The following ZMYM1 variants were observed in gnomAD, a reference collection of about 807,000 sequenced individuals.
The protein encoded by ZMYM1 is zinc finger MYM-type protein 1.
ZMYM1 carries 39 observed loss-of-function variants against 60.0 expected under a neutral mutation model. The ratio of observed to expected loss-of-function variants is 0.65; its 90% CI spans 0.50 to 0.85. ZMYM1 has a LOEUF of 0.85. Ranked by LOEUF, ZMYM1 falls within the 40% of genes least tolerant of loss-of-function variation. The pLI, the probability that ZMYM1 is intolerant of heterozygous loss-of-function variation, is 0.00. For missense variants in ZMYM1, 1,171 were observed against 1,309.5 expected (o/e 0.89, Z 1.63); for synonymous variants, 413 against 454.0 (o/e 0.91, Z 1.15).
In ZMYM1 at chr1:35,068,649, AAT is replaced by A. The variant is rs1191097052; in HGVS notation, c.-301+8742_-301+8743del. ...CTGGAAATCCATACGCAAAAAAAAA[AAT>A]ATATATATATATATATAAAACTACA... On this transcript the variant is annotated intron_variant, in intron 1 of 10. Coordinates refer to the ZMYM1 transcript ENST00000417119. Among the ~76,000 whole-genome samples the A allele has an allele frequency of 1.9e-3, 277 of 145,244 alleles. 1 individual carries two copies. Among genetic ancestry groups the A allele is most frequent in the South Asian group, 0.014 (64 of 4,652 alleles).
downstream of ZMYM1, among the ~76,000 whole-genome samples, chr1:35,117,203 T>C (rs1644258711): frequency 6.6e-6 from 1 of 152,036 alleles, no homozygotes; most frequent in Non-Finnish European, 1.5e-5. Flanking sequence ...CTCATCAATT[T>C]TGATAACTTG....
rs756110783 is a variant in ZMYM1 at position 35,114,731 on chromosome 1, C to A, written c.2901C>A (p.Ile967=). 1 of 1,575,998 alleles carries A rather than the reference C, an allele frequency of 6.3e-7. No individual in the cohort carries two copies. Among genetic ancestry groups the A allele is most frequent in the East Asian group, 2.3e-5 (1 of 44,438 alleles). Residue 967 remains isoleucine (I), a synonymous_variant, in exon 10 of 10, where the codon ATC becomes ATA. Transcript: ENST00000359858. The stretch of plus-strand genomic sequence containing the variant: ...CAGAAGAACAATATAAAATTAATAT[C>A]TATTACCAAGGATTAGATACTATAT... ...TSTEEQYKIN[I]YYQGLDTILQ...
At chr1:35,105,135 T>TC (rs1202136809) in intron 6 of ZMYM1, among the ~76,000 whole-genome samples, 1 of 140,874 alleles carries the variant, frequency 7.1e-6, no homozygotes, top group East Asian at 2.0e-4. Context: ...TCTTTTTTTT[T>TC]TTTTTTTTTT....
chr1:35,112,242 A>G (rs150335730), intron 9 of ZMYM1, 112 bp downstream of exon 9: 15,085 of 1,050,454 alleles, frequency 0.014, 206 homozygotes, highest in Non-Finnish European at 0.016. Context: ...CAGTGGCGTG[A>G]TCTCAGCTCA....
At position 35,114,657 on chromosome 1, in the gene ZMYM1, A is replaced by G. The variant is rs1237774227; in HGVS notation, c.2827A>G (p.Lys943Glu). 1 of 1,596,502 alleles carries G rather than the reference A, an allele frequency of 6.3e-7. No individual in the cohort carries two copies. Among genetic ancestry groups the G allele is most frequent in the Non-Finnish European group, 8.5e-7 (1 of 1,175,512 alleles). ...TCTTCAGAAAAGAAGAAAAATTCAG[A>G]AATCAGTAGATCTTGGCAATTCAGA... The part of the protein sequence containing the change: ...PSLQKRRKIQ[K>E]SVDLGNSDNM... The change falls in exon 10 of 10, where the codon AAA (lysine) becomes GAA (glutamate). Residue 943 changes from lysine to glutamate, a missense_variant. Coordinates refer to ENST00000359858, the MANE Select transcript of ZMYM1 (RefSeq NM_024772.5).
chr1:35,111,843 A>G lies in ZMYM1; in HGVS notation c.1033A>G (p.Ile345Val). ...LSPKKDTTPV[I>V]SNIVSLADTD... The stretch of plus-strand genomic sequence containing the variant: ...TCCAAAGAAAGATACGACTCCAGTT[A>G]TAAGCAATATAGTGTCATTGGCAGA... The change falls in exon 8 of 10, where the codon ATA (isoleucine) becomes GTA (valine). Residue 345 changes from isoleucine to valine, a missense_variant. By Grantham distance (29) the Ile-to-Val change is conservative. Transcript: ENST00000359858. 6.2e-7 allele frequency: 1 copy of G among 1,609,976 alleles called. No individual in the cohort carries two copies. Among genetic ancestry groups the G allele is most frequent in the Non-Finnish European group, 8.5e-7 (1 of 1,177,096 alleles).
At chr1:35,091,882 T>C (rs1268916679) in intron 1 of ZMYM1, among the ~76,000 whole-genome samples, 3 of 106,346 alleles carry the variant, frequency 2.8e-5, no homozygotes, top group Non-Finnish European at 5.7e-5. Context: ...AGCGAGATCT[T>C]GTCTCAAAAA....
rs376594765 is a variant in ZMYM1, at chr1:35,113,874, T to G, written c.2044T>G (p.Phe682Val). 2.8e-5 allele frequency: 45 copies of G among 1,613,640 alleles called. No homozygotes were observed. Among genetic ancestry groups the G allele is most frequent in the Non-Finnish European group, 3.6e-5 (42 of 1,179,856 alleles). Residue 682 changes from phenylalanine (F) to valine (V), a missense_variant, in exon 10 of 10, where the codon TTT (phenylalanine) becomes GTT (valine). Transcript: ENST00000359858. ...CTTAATTAAGGAAAGATTCTTGGGTTTTGTTGATACTGAGGAGATGACTGG... is the reference window on the plus strand; with the variant it reads ...CTTAATTAAGGAAAGATTCTTGGGTGTTGTTGATACTGAGGAGATGACTGG... ...AILIKERFLG[F>V]VDTEEMTGTH...
chr1:35,080,276 A>G (rs1642307628), intron 1 of ZMYM1, among the ~76,000 whole-genome samples: 1 of 151,022 alleles, frequency 6.6e-6, no homozygotes, highest in Admixed American at 6.6e-5. Context: ...ATCTGCAACA[A>G]CAGTCCCACT....
chr1:35,092,753 G>T lies in ZMYM1; in HGVS notation c.-74-1161G>T, dbSNP rs561927300. On this transcript the variant is annotated intron_variant, in intron 1 of 9. Coordinates refer to ENST00000359858, the MANE Select transcript of ZMYM1 (RefSeq NM_024772.5). ...AGCTATTCTCCTGCCTCAGCCTACC[G>T]AGTAGCTGGGATTACCAGCGCATGC... 4.9e-3 allele frequency among the ~76,000 whole-genome samples: 744 copies of T among 151,974 alleles called. 7 individuals carry two copies. Among genetic ancestry groups the T allele is most frequent in the African/African-American group, 0.017 (711 of 41,436 alleles).
intron 2 of ZMYM1, 97 bp downstream of exon 2, chr1:35,094,180 T>C (rs991457576): frequency 3.1e-6 from 3 of 966,250 alleles, no homozygotes; most frequent in Admixed American, 5.4e-5. Context: ...AAAACTCAAA[T>C]CCTTATCTCC....
At chr1:35,067,883 C>CA (rs141351596) in intron 1 of ZMYM1, among the ~76,000 whole-genome samples, 7,241 of 151,120 alleles carry the variant, frequency 0.048, 507 homozygotes, top group African/African-American at 0.16. Flanking sequence ...CCAAAAAAAA[C>CA]AAAAAAACAA....
intron 1 of ZMYM1, among the ~76,000 whole-genome samples, chr1:35,063,620 G>A (rs751682625): frequency 1.8e-4 from 28 of 151,892 alleles, no homozygotes; most frequent in Non-Finnish European, 3.7e-4. Context: ...AAATTCTATC[G>A]TCCGGAACCC....
Position 35,097,570 on chromosome 1 carries a change from T to A in ZMYM1, c.419+4T>A. 6.2e-7 allele frequency: 1 copy of A among 1,614,076 alleles called. No individual in the cohort carries two copies. The highest frequency in any genetic ancestry group is 8.5e-7 in the Non-Finnish European group (1 of 1,179,900). ...GAACTTGTTCAAACTGCTCAAAGTA[T>A]ATAATTCTAAATTATGCCCCCTTTT... On this transcript the variant is annotated splice_donor_region_variant and intron_variant, in intron 4 of 9. Transcript: ENST00000359858.
At chr1:35,111,949 G>A in intron 8 of ZMYM1, 37 bp downstream of exon 8, 2 of 1,559,974 alleles carry the variant, frequency 1.3e-6, no homozygotes, top group East Asian at 2.3e-5. Context: ...CATAAATATT[G>A]TTTTGTCATA....
At chr1:35,071,108 A>G (rs1642059762) in intron 1 of ZMYM1, among the ~76,000 whole-genome samples, 1 of 152,048 alleles carries the variant, frequency 6.6e-6, no homozygotes, top group Non-Finnish European at 1.5e-5. Flanking sequence ...GCTGTTCTCA[A>G]ACTCCTGACC....
intron 4 of ZMYM1, among the ~76,000 whole-genome samples, chr1:35,099,653 A>G (rs1643532820): frequency 6.6e-6 from 1 of 152,298 alleles, no homozygotes; most frequent in Non-Finnish European, 1.5e-5. Context: ...TTAGCCTTTT[A>G]CATAAATTTT....
chr1:35,092,837 C>T (rs1264043622), intron 1 of ZMYM1, among the ~76,000 whole-genome samples: 1 of 152,056 alleles, frequency 6.6e-6, no homozygotes, highest in African/African-American at 2.4e-5. Context: ...GTTGACCAGA[C>T]TGGTCTCAAA....
upstream of ZMYM1, among the ~76,000 whole-genome samples, chr1:35,078,486 A>AG (rs1341404732): frequency 6.6e-6 from 1 of 151,674 alleles, no homozygotes; most frequent in African/African-American, 2.4e-5. Flanking sequence ...TATTGTCAAA[A>AG]AACATTTAAA....
Sources: allele counts gnomAD v4.1 joint callset (sites outside exome capture counted in the v4.1 genomes callset), GRCh38; gene constraint gnomAD v4.1.1; transcripts MANE v1.5; gene names NCBI Gene and HGNC (gene_info 2026-07-23, HGNC 2026-07-21).